DRD2: variants seen among roughly 807,000 people sequenced by gnomAD.
DRD2 encodes the protein dopamine receptor D2.
DRD2 carries 8 observed loss-of-function variants against 38.0 expected under a neutral mutation model. The observed-to-expected ratio is 0.21, with a 90% CI of 0.12 to 0.38. The LOEUF is 0.38. DRD2 is among the 10% of genes least tolerant of loss of function. The probability of loss-of-function intolerance (pLI) is 1.00; values close to 1 mark genes in which losing one functional copy is unlikely to be tolerated. For synonymous variants in DRD2, 230 were observed against 238.6 expected, an observed-to-expected ratio of 0.96 and a Z score of 0.33; for missense variants, 403 against 607.7, an observed-to-expected ratio of 0.66 and a Z score of 3.54.
chr11:113,423,567 C>T (rs562134969), intron 2 of DRD2, among the ~76,000 whole-genome samples: 22 of 152,346 alleles, frequency 1.4e-4, no homozygotes, highest in African/African-American at 4.8e-4. Flanking sequence ...AGCCACCGTG[C>T]TCGGCCTGTT....
chr11:113,443,009 G>A (rs955072345), intron 1 of DRD2, among the ~76,000 whole-genome samples: 11 of 152,232 alleles, frequency 7.2e-5, no homozygotes, highest in African/African-American at 2.6e-4. Flanking sequence ...TGGGGGAGAG[G>A]AGGATTCTGG....
At chr11:113,467,489 C>T (rs745806405) in intron 1 of DRD2, among the ~76,000 whole-genome samples, 1 of 152,346 alleles carries the variant, frequency 6.6e-6, no homozygotes, top group Non-Finnish European at 1.5e-5. Flanking sequence ...AGCTGCAGAA[C>T]ACATATTTCT....
At chr11:113,433,584 G>A (rs933293057) in intron 1 of DRD2, among the ~76,000 whole-genome samples, 1 of 152,166 alleles carries the variant, frequency 6.6e-6, no homozygotes, top group South Asian at 2.1e-4. Flanking sequence ...GTTCTTCAGA[G>A]GCAGCGAGGC....
At chr11:113,428,319 A>G (rs1032725780) in intron 1 of DRD2, among the ~76,000 whole-genome samples, 4 of 152,250 alleles carry the variant, frequency 2.6e-5, no homozygotes, top group Non-Finnish European at 5.9e-5. Flanking sequence ...GCACCCTGCC[A>G]GTTGCCTAAA....
At chr11:113,414,610 G>A (rs1950804632) in intron 5 of DRD2, 149 bp from the exon 6 acceptor site, 1 of 779,230 alleles carries the variant, frequency 1.3e-6, no homozygotes, top group Non-Finnish European at 2.2e-6. Context: ...GTTGGGGCAA[G>A]GGGGAAGGCT....
intron 1 of DRD2, among the ~76,000 whole-genome samples, chr11:113,470,236 A>G (rs1951410168): frequency 6.6e-6 from 1 of 152,214 alleles, no homozygotes; most frequent in South Asian, 2.1e-4. Flanking sequence ...CCCAAACAAT[A>G]ACAACAAGGA....
intron 1 of DRD2, among the ~76,000 whole-genome samples, chr11:113,462,867 C>T (rs761798777): frequency 3.9e-5 from 6 of 152,236 alleles, no homozygotes; most frequent in Non-Finnish European, 5.9e-5. Context: ...CTACTTCCCA[C>T]GCATGTGCTA....
At chr11:113,452,707 G>A (rs1028697796) in intron 1 of DRD2, among the ~76,000 whole-genome samples, 1 of 150,234 alleles carries the variant, frequency 6.7e-6, no homozygotes, top group Non-Finnish European at 1.5e-5. Flanking sequence ...GAGTGCAGTG[G>A]TGCAATCTCA....
chr11:113,447,625 G>T (rs1448367741), intron 1 of DRD2: 3 of 152,260 alleles, frequency 2.0e-5, no homozygotes, highest in Admixed American at 6.5e-5. Context: ...GAGAAGGCAG[G>T]CGGAACTCTG....
chr11:113,426,804 C>T (rs1299345915), intron 1 of DRD2, among the ~76,000 whole-genome samples: 1 of 152,210 alleles, frequency 6.6e-6, no homozygotes, highest in African/African-American at 2.4e-5. Context: ...GGTAATGAAG[C>T]ATATGTCATA....
intron 1 of DRD2, among the ~76,000 whole-genome samples, chr11:113,454,726 A>T (rs920243658): frequency 6.6e-6 from 1 of 152,356 alleles, no homozygotes; most frequent in South Asian, 2.1e-4. Context: ...CTAATGGATG[A>T]GTAGATAGAG....
At chr11:113,415,948 A>G (rs1047130807) in intron 4 of DRD2, among the ~76,000 whole-genome samples, 7 of 152,220 alleles carry the variant, frequency 4.6e-5, no homozygotes, top group African/African-American at 1.7e-4. Flanking sequence ...ACACAAGAAA[A>G]CTTTTAAAAG....
At chr11:113,429,249 G>GT (rs1393035845) in intron 1 of DRD2, among the ~76,000 whole-genome samples, 4 of 151,888 alleles carry the variant, frequency 2.6e-5, no homozygotes, top group Admixed American at 6.6e-5. Flanking sequence ...TTGTTTGGGG[G>GT]TTTTTTTGTT....
chr11:113,419,655 G>A (rs1462071731), intron 2 of DRD2, among the ~76,000 whole-genome samples: 4 of 152,142 alleles, frequency 2.6e-5, no homozygotes, highest in African/African-American at 7.2e-5. Flanking sequence ...TCTACCAATA[G>A]GAGCAGAGAG....
In DRD2 at chr11:113,410,110, G is replaced by A. The variant is rs201931076; in HGVS notation, c.*617C>T. 1.9e-4 allele frequency: 31 copies of A among 164,936 alleles called. No individual in the cohort carries two copies. The highest frequency in any genetic ancestry group is 6.7e-4 in the South Asian group (4 of 5,978). 10.2% of individuals were successfully genotyped at this position (164,936 alleles called of 1,614,324 possible). On this transcript the variant is annotated 3_prime_UTR_variant, in exon 8 of 8. Transcript: ENST00000362072. ...TGGAAACCACTTGGGGAGCTGTAAC[G>A]GGGTGAGGTGGGTCCGGACTAGCCT...
chr11:113,459,301 G>C (rs1412816322), intron 1 of DRD2, among the ~76,000 whole-genome samples: 3 of 152,200 alleles, frequency 2.0e-5, no homozygotes, highest in Non-Finnish European at 4.4e-5. Context: ...CACCTTAATA[G>C]AATATGTGTT....
At chr11:113,471,530 G>A (rs1014957891) in intron 1 of DRD2, among the ~76,000 whole-genome samples, 9 of 152,176 alleles carry the variant, frequency 5.9e-5, no homozygotes, top group African/African-American at 9.7e-5. Context: ...CTACAAAGGA[G>A]GGTGCCTGCT....
chr11:113,423,939 G>A (rs923920802), intron 2 of DRD2, among the ~76,000 whole-genome samples: 10 of 152,124 alleles, frequency 6.6e-5, no homozygotes, highest in East Asian at 1.9e-4. Context: ...GATCCTTGCC[G>A]GTTACTCCTA....
Position 113,415,448 on chromosome 11 carries a change from G to C in DRD2, c.696C>G (p.Phe232Leu). The C allele has an allele frequency of 5.0e-6, 8 of 1,613,876 alleles. No individual in the cohort carries two copies. The highest frequency in any genetic ancestry group is 6.8e-6 in the Non-Finnish European group (8 of 1,179,810). ...TTAGTGGAGCCCTCAGGTGGGCCCT[G>C]AAAGCTCGGCTGCTGCGTTTGGTGT... ...RVNTKRSSRAFRAHLRAPLKG... is the reference protein window; with the variant it reads ...RVNTKRSSRALRAHLRAPLKG... The change falls in exon 5 of 8, where the codon TTC (phenylalanine) becomes TTG (leucine). Residue 232 changes from phenylalanine (F) to leucine (L), a missense_variant. Phe to Leu is a conservative substitution (Grantham distance 22). Transcript: ENST00000362072.
Sources: gnomAD v4.1 joint callset for allele counts (sites outside exome capture counted in the v4.1 genomes callset) on GRCh38, gnomAD v4.1.1 for gene constraint, MANE v1.5 for transcripts, NCBI Gene and HGNC (gene_info 2026-07-23, HGNC 2026-07-21) for gene names.